The following FLT1 variants were observed in gnomAD, a reference collection of about 807,000 sequenced individuals.
FLT1 encodes the protein fms related receptor tyrosine kinase 1.
In FLT1, 49 loss-of-function variants were observed where a neutral mutation model predicts 156.3. That is an observed-to-expected ratio of 0.31 (90% CI 0.25 to 0.40). The LOEUF (loss-of-function observed/expected upper bound fraction) is 0.40, where lower values mean the gene tolerates loss of function less well. Among genes scored for constraint, FLT1 ranks in the 10% least tolerant of loss-of-function variants. The pLI is 1.00. For missense variants in FLT1, 1,322 were observed against 1,637.2 expected (o/e 0.81, Z 3.32); for synonymous variants, 594 against 583.8 (o/e 1.02, Z -0.25).
intron 6 of FLT1, among the ~76,000 whole-genome samples, chr13:28,431,843 C>T (rs1055874346): frequency 6.6e-6 from 1 of 151,936 alleles, no homozygotes; most frequent in South Asian, 2.1e-4. Context: ...CTTTTTTGTC[C>T]CTACGAGATA....
intron 14 of FLT1, among the ~76,000 whole-genome samples, chr13:28,374,574 C>A (rs1326708869): frequency 6.6e-6 from 1 of 151,522 alleles, no homozygotes; most frequent in African/African-American, 2.4e-5. Context: ...TACAGTGGCG[C>A]GATCTTGGCT....
chr13:28,353,907 A>G (rs1221948245), intron 15 of FLT1, among the ~76,000 whole-genome samples: 3 of 152,224 alleles, frequency 2.0e-5, no homozygotes, highest in Non-Finnish European at 4.4e-5. Flanking sequence ...ATCTGTGAGT[A>G]TAAGAATCCT....
intron 3 of FLT1, among the ~76,000 whole-genome samples, chr13:28,444,594 T>A (rs1878509125): frequency 6.6e-6 from 1 of 152,180 alleles, no homozygotes; most frequent in Non-Finnish European, 1.5e-5. Context: ...ACATGAAACA[T>A]TCTCCAAGAT....
intron 14 of FLT1, among the ~76,000 whole-genome samples, chr13:28,379,313 G>A (rs971483474): frequency 6.6e-5 from 10 of 152,240 alleles, no homozygotes; most frequent in African/African-American, 2.2e-4. Flanking sequence ...CAGCTTGAGC[G>A]ACAGCGCAAG....
At chr13:28,430,295 A>C (rs113462351) in intron 7 of FLT1, 128 bp from the exon 8 acceptor site, 44 of 705,848 alleles carry the variant, frequency 6.2e-5, no homozygotes, top group Non-Finnish European at 8.9e-5. Context: ...AGAGCCTATC[A>C]ATGAGCCCAA....
At chr13:28,420,402 C>A (rs1213808604) in intron 10 of FLT1, among the ~76,000 whole-genome samples, 1 of 152,174 alleles carries the variant, frequency 6.6e-6, no homozygotes, top group Non-Finnish European at 1.5e-5. Context: ...TTCTCTGTAG[C>A]ATGGCTGAAT....
intron 29 of FLT1, 79 bp from the exon 30 acceptor site, chr13:28,303,447 G>T: frequency 7.9e-7 from 1 of 1,258,008 alleles, no homozygotes; most frequent in Non-Finnish European, 1.1e-6. Context: ...TACTCTTTCT[G>T]AGTGGGTCAT....
chr13:28,481,677 C>T (rs1251879554), intron 1 of FLT1, among the ~76,000 whole-genome samples: 2 of 152,244 alleles, frequency 1.3e-5, no homozygotes, highest in African/African-American at 4.8e-5. Flanking sequence ...GAAGGTCTTT[C>T]AGCTCTAAGC....
At chr13:28,367,794 T>C (rs527592458) in intron 14 of FLT1, among the ~76,000 whole-genome samples, 2 of 152,192 alleles carry the variant, frequency 1.3e-5, no homozygotes, top group African/African-American at 2.4e-5. Flanking sequence ...GTTGACTATA[T>C]GTATTGTTGA....
rs774943336 is a variant in FLT1 at position 28,389,987 on chromosome 13, C to T, written c.1778G>A (p.Arg593Gln). ...GTGCATTGTTCTGTTATTAACTGTC[C>T]GCAGTAAAATCCAAGTAACGTCTCT... is the stretch of plus-strand genomic sequence containing the variant. ...LYRDVTWILL[R>Q]TVNNRTMHYS... The change falls in exon 13 of 30, where the codon CGG (arginine) becomes CAG (glutamine). Residue 593 changes from arginine to glutamine, a missense_variant. By Grantham distance (43) the Arg-to-Gln change is conservative. Around this residue, in one of 3 missense-constraint regions of FLT1, gnomAD observed 991 missense variants for 1,254.8 expected, o/e 0.79. Transcript: ENST00000282397. 19 of 1,613,898 alleles carry T rather than the reference C, an allele frequency of 1.2e-5. No homozygotes were observed. The highest frequency in any genetic ancestry group is 6.7e-5 in the Admixed American group (4 of 59,978).
At chr13:28,326,525 T>A (rs1365331712) in intron 20 of FLT1, among the ~76,000 whole-genome samples, 1 of 116,106 alleles carries the variant, frequency 8.6e-6, no homozygotes, top group Non-Finnish European at 2.0e-5. Context: ...TCTCTCTTTT[T>A]TTTTTTTTTT....
At chr13:28,403,316 G>T (rs748544325) in intron 11 of FLT1, among the ~76,000 whole-genome samples, 2 of 152,182 alleles carry the variant, frequency 1.3e-5, no homozygotes, top group African/African-American at 4.8e-5. Context: ...CTGCGTAACT[G>T]TAAAATTACC....
intron 12 of FLT1, among the ~76,000 whole-genome samples, chr13:28,391,374 C>T (rs1414604811): frequency 1.3e-5 from 2 of 152,302 alleles, no homozygotes; most frequent in South Asian, 2.1e-4. Flanking sequence ...AAAGTCATCC[C>T]TCTGCTCTCT....
At chr13:28,422,669 C>T (rs752132972) in intron 10 of FLT1, among the ~76,000 whole-genome samples, 263 of 152,274 alleles carry the variant, frequency 1.7e-3, no homozygotes, top group Middle Eastern at 3.4e-3. Context: ...GCAGAAGCCC[C>T]CCACCATCCC....
rs531785690 is a variant in FLT1, at chr13:28,412,350, CTCTTTCTT to C, written c.1437-6464_1437-6457del. On this transcript the variant is annotated intron_variant, in intron 10 of 29. Transcript: ENST00000282397. ...CTTTCTTTTCTTTCTTTCTTTCTTT[CTCTTTCTT>C]TCTTTCTTTCTTTCTTTCTTTCTTT... 1.8e-3 allele frequency among the ~76,000 whole-genome samples: 167 copies of C among 93,788 alleles called. 4 individuals are homozygous for C. Among genetic ancestry groups the C allele is most frequent in the African/African-American group, 6.2e-3 (165 of 26,484 alleles). 61.5% of individuals were successfully genotyped at this position (93,788 alleles called of 152,430 possible).
chr13:28,487,383 G>A (rs1881223594), intron 1 of FLT1, among the ~76,000 whole-genome samples: 1 of 152,214 alleles, frequency 6.6e-6, no homozygotes, highest in Admixed American at 6.5e-5. Flanking sequence ...TTTCATTTAT[G>A]CTAGGTTCAC....
intron 1 of FLT1, among the ~76,000 whole-genome samples, chr13:28,469,131 A>G (rs1403660276): frequency 1.3e-5 from 2 of 152,162 alleles, no homozygotes; most frequent in Non-Finnish European, 2.9e-5. Context: ...GGGGCCCAGG[A>G]TTAGCGTTCC....
intron 13 of FLT1, among the ~76,000 whole-genome samples, chr13:28,385,246 G>A (rs570861632): frequency 6.6e-6 from 1 of 152,276 alleles, no homozygotes; most frequent in South Asian, 2.1e-4. Context: ...GTGAAATCAA[G>A]GACTAGATTT....
At chr13:28,312,121 A>T in intron 25 of FLT1, 23 bp from the exon 26 acceptor site, 1 of 1,445,374 alleles carries the variant, frequency 6.9e-7, no homozygotes, top group South Asian at 1.1e-5. Context: ...ACAGCAACAG[A>T]AATAGTTGGA....
Sources: allele counts gnomAD v4.1 joint callset (sites outside exome capture counted in the v4.1 genomes callset), GRCh38; gene constraint gnomAD v4.1.1; regional missense constraint gnomAD v4.1.1; transcripts MANE v1.5; gene names NCBI Gene and HGNC (gene_info 2026-07-23, HGNC 2026-07-21).